Variants in GCNT2 observed in about 807,000 individuals in gnomAD.
The protein encoded by GCNT2 is glucosaminyl (N-acetyl) transferase 2 (I blood group), also known as N-acetyllactosaminide beta-1,6-N-acetylglucosaminyl-transferase.
GCNT2 carries 34 observed loss-of-function variants against 34.2 expected under a neutral mutation model. That is an observed-to-expected ratio of 1.00 (90% CI 0.76 to 1.32). The LOEUF is 1.32. Among genes scored for constraint, GCNT2 ranks in the 40% most tolerant of loss-of-function variants. The probability of loss-of-function intolerance (pLI) is 0.00; values close to 1 mark genes in which losing one functional copy is unlikely to be tolerated. For missense variants in GCNT2, 584 were observed against 489.4 expected (o/e 1.19, Z -1.82); for synonymous variants, 212 against 188.0 (o/e 1.13, Z -1.04).
chr6:10,547,324 G>T (rs1762313826), intron 3 of GCNT2, among the ~76,000 whole-genome samples: 2 of 152,172 alleles, frequency 1.3e-5, no homozygotes, highest in African/African-American at 2.4e-5. Context: ...ATTCCAGTGT[G>T]CATGGTTATA....
At chr6:10,617,363 G>A (rs1045260885) in intron 3 of GCNT2, among the ~76,000 whole-genome samples, 2 of 152,182 alleles carry the variant, frequency 1.3e-5, no homozygotes, top group Non-Finnish European at 2.9e-5. Flanking sequence ...GCCGGCAAGC[G>A]CTGCGCGCAG....
At chr6:10,534,784 C>CCAA (rs373439979) in intron 3 of GCNT2, among the ~76,000 whole-genome samples, 57 of 152,248 alleles carry the variant, frequency 3.7e-4, no homozygotes, top group Middle Eastern at 3.4e-3. Flanking sequence ...ATCACTTGAG[C>CCAA]CCAGGAGGTC....
chr6:10,576,471 G>C (rs562569), intron 3 of GCNT2, among the ~76,000 whole-genome samples: 1 of 152,126 alleles, frequency 6.6e-6, no homozygotes, highest in Admixed American at 6.5e-5. Context: ...GGTCGTAATC[G>C]TGAGTTTCCT....
At chr6:10,584,966 C>T (rs1290658412) in intron 3 of GCNT2, among the ~76,000 whole-genome samples, 2 of 151,628 alleles carry the variant, frequency 1.3e-5, no homozygotes, top group East Asian at 3.9e-4. Context: ...GTCCTAGGTT[C>T]CTTCCACCCT....
In GCNT2 at chr6:10,556,808, A is replaced by G. The variant is rs148669958; in HGVS notation, c.925+26972A>G. 4.6e-5 allele frequency: 75 copies of G among 1,614,096 alleles called. 1 individual carries two copies. The Middle Eastern group carries it at 1.8e-3, about 39-fold the overall frequency. ...TATCTACTGTGTTCATGTGGATGAA[A>G]AAGCAACAACTGAATTTAAAGATGC... On this transcript the variant is annotated intron_variant, in intron 3 of 4. Coordinates refer to ENST00000495262, the MANE Select transcript of GCNT2 (RefSeq NM_145649.5).
chr6:10,538,439 T>A (rs560595357), intron 3 of GCNT2, among the ~76,000 whole-genome samples: 1,150 of 86,408 alleles, frequency 0.013, 15 homozygotes, highest in Non-Finnish European at 0.019. Context: ...AAAAAAAAAA[T>A]ATATATATAT....
At chr6:10,589,745 T>G (rs1419179846) in intron 3 of GCNT2, among the ~76,000 whole-genome samples, 2 of 152,156 alleles carry the variant, frequency 1.3e-5, no homozygotes, top group Admixed American at 1.3e-4. Flanking sequence ...TTATTATGTT[T>G]ATAGGTAATA....
At chr6:10,623,033 G>A (rs1299021194) in intron 4 of GCNT2, among the ~76,000 whole-genome samples, 2 of 151,370 alleles carry the variant, frequency 1.3e-5, no homozygotes, top group Non-Finnish European at 3.0e-5. Context: ...GATTACAGGC[G>A]TGAGCTACTG....
At chr6:10,586,575 C>T in intron 3 of GCNT2, 1 of 1,614,092 alleles carries the variant, frequency 6.2e-7, no homozygotes, top group Non-Finnish European at 8.5e-7. Flanking sequence ...ACAAGACTTC[C>T]CCCTGAAAAC....
chr6:10,618,669 C>T (rs1203008595), intron 3 of GCNT2, among the ~76,000 whole-genome samples: 1 of 152,170 alleles, frequency 6.6e-6, no homozygotes, highest in African/African-American at 2.4e-5. Context: ...TCCAGACTCT[C>T]CTTCTCCATC....
chr6:10,549,563 C>CT (rs33909973), intron 3 of GCNT2, among the ~76,000 whole-genome samples: 1,703 of 104,272 alleles, frequency 0.016, 159 homozygotes, highest in African/African-American at 0.022. Flanking sequence ...ATCTCTCTCT[C>CT]TTTTTTTTTT....
intron 3 of GCNT2, among the ~76,000 whole-genome samples, chr6:10,533,389 C>T (rs1007853601): frequency 1.3e-5 from 2 of 151,700 alleles, no homozygotes; most frequent in African/African-American, 2.4e-5. Flanking sequence ...ACAGCACTGC[C>T]CAATAGGAAT....
At chr6:10,522,965 C>T (rs188207653) in intron 1 of GCNT2, among the ~76,000 whole-genome samples, 243 of 152,314 alleles carry the variant, frequency 1.6e-3, no homozygotes, top group African/African-American at 5.5e-3. Context: ...TGGCTTCTCC[C>T]GGAGACCCTG....
chr6:10,525,123 T>A (rs1761125018), intron 1 of GCNT2, among the ~76,000 whole-genome samples: 1 of 152,194 alleles, frequency 6.6e-6, no homozygotes, highest in South Asian at 2.1e-4. Flanking sequence ...CCTTTTTTTC[T>A]GCTTCTCTTT....
In GCNT2 at chr6:10,583,112, G is replaced by A. The variant is rs76243240; in HGVS notation, c.926-38239G>A. The stretch of plus-strand genomic sequence containing the variant: ...TGACATTGGGGAGAATATTTTTAAA[G>A]GCCTCAATGTGCTCATCTGTAAAAA... On this transcript the variant is annotated intron_variant, in intron 3 of 4. Transcript: ENST00000495262. 1.9e-3 allele frequency among the ~76,000 whole-genome samples: 282 copies of A among 152,212 alleles called. 1 individual carries two copies. Among genetic ancestry groups the A allele is most frequent in the East Asian group, 4.4e-3 (23 of 5,184 alleles).
At chr6:10,601,971 A>T (rs1765110914) in intron 3 of GCNT2, among the ~76,000 whole-genome samples, 1 of 150,422 alleles carries the variant, frequency 6.6e-6, no homozygotes. Flanking sequence ...CAAAAAAAAC[A>T]CTAAAGCCCT....
At chr6:10,585,684 G>A (rs899420714) in intron 3 of GCNT2, 6 of 878,568 alleles carry the variant, frequency 6.8e-6, no homozygotes, top group South Asian at 6.3e-5. Context: ...TGTAAATGAG[G>A]AGGCTTCCTA....
Position 10,591,732 on chromosome 6 carries a change from T to A in GCNT2, c.926-29619T>A, listed in dbSNP as rs1352495208. ...GCACTGGGCTTCTTCTCACTTAATT[T>A]AATGTAGACTTCTCCTGAATTGTTG... On this transcript the variant is annotated intron_variant, in intron 3 of 4. Transcript: ENST00000495262. Among the ~76,000 whole-genome samples the A allele has an allele frequency of 2.0e-5, 3 of 152,302 alleles. No individual in the cohort carries two copies. The East Asian group carries it at 5.8e-4, about 29-fold the overall frequency.
chr6:10,574,893 G>C (rs946458782), intron 3 of GCNT2: 3 of 703,238 alleles, frequency 4.3e-6, no homozygotes, highest in Admixed American at 3.7e-5. Context: ...TTTTCTGATC[G>C]TTTTTCTTCA....
Sources: allele counts gnomAD v4.1 joint callset (sites outside exome capture counted in the v4.1 genomes callset), GRCh38; gene constraint gnomAD v4.1.1; transcripts MANE v1.5; gene names NCBI Gene and HGNC (gene_info 2026-07-23, HGNC 2026-07-21).